TMEM132D: variants seen among roughly 807,000 people sequenced by gnomAD.
TMEM132D encodes the protein transmembrane protein 132D, also known as mature OL transmembrane protein.
A neutral mutation model predicts 62.3 loss-of-function variants in TMEM132D; 21 were observed. The observed-to-expected ratio is 0.34, with a 90% CI of 0.24 to 0.49. The LOEUF is 0.49. Ranked by LOEUF, TMEM132D falls within the 20% of genes least tolerant of loss-of-function variation. The pLI is 0.99. For missense variants in TMEM132D, 1,346 were observed against 1,402.8 expected (o/e 0.96, Z 0.65); for synonymous variants, 621 against 575.6 (o/e 1.08, Z -1.13).
intron 2 of TMEM132D, among the ~76,000 whole-genome samples, chr12:129,611,379 G>A (rs1362050658): frequency 6.6e-6 from 1 of 152,174 alleles, no homozygotes; most frequent in East Asian, 1.9e-4. Context: ...TCCCTTATCT[G>A]TAAATGTCCA....
intron 3 of TMEM132D, among the ~76,000 whole-genome samples, chr12:129,432,121 A>G (rs955695111): frequency 5.2e-5 from 7 of 133,908 alleles, no homozygotes; most frequent in African/African-American, 2.1e-4. Context: ...ATGGATGGAT[A>G]GGTGGATGGA....
At chr12:129,694,147 C>A (rs1343196318) in intron 2 of TMEM132D, among the ~76,000 whole-genome samples, 2 of 152,190 alleles carry the variant, frequency 1.3e-5, no homozygotes, top group African/African-American at 4.8e-5. Flanking sequence ...ACTAAAAAGG[C>A]AAGAACTGGG....
chr12:129,750,300 G>T (rs1360350668), intron 1 of TMEM132D, among the ~76,000 whole-genome samples: 1 of 152,076 alleles, frequency 6.6e-6, no homozygotes, highest in Non-Finnish European at 1.5e-5. Flanking sequence ...TAGCCAGGAT[G>T]GTCTCGATCT....
chr12:129,845,761 A>AG (rs1873341527), intron 1 of TMEM132D, among the ~76,000 whole-genome samples: 1 of 152,232 alleles, frequency 6.6e-6, no homozygotes, highest in Non-Finnish European at 1.5e-5. Flanking sequence ...TGCCCAGGAA[A>AG]GAATTCAAGG....
intron 6 of TMEM132D, among the ~76,000 whole-genome samples, chr12:129,083,893 A>C (rs1874529335): frequency 6.6e-6 from 1 of 152,160 alleles, no homozygotes; most frequent in South Asian, 2.1e-4. Context: ...GGACTCTACC[A>C]AGCACCATCG....
chr12:129,636,398 CA>C (rs927558949), intron 2 of TMEM132D, among the ~76,000 whole-genome samples: 2 of 152,052 alleles, frequency 1.3e-5, no homozygotes, highest in African/African-American at 4.8e-5. Flanking sequence ...TTGCTACAAA[CA>C]GTTTGTTTTC....
intron 8 of TMEM132D, among the ~76,000 whole-genome samples, chr12:129,078,194 G>A (rs549565251): frequency 2.0e-5 from 3 of 152,374 alleles, no homozygotes; most frequent in South Asian, 2.1e-4. Flanking sequence ...AGCAGGAAGC[G>A]TGTGGAGAGC....
At chr12:129,215,619 G>A (rs1593299075) in intron 4 of TMEM132D, among the ~76,000 whole-genome samples, 1 of 152,304 alleles carries the variant, frequency 6.6e-6, no homozygotes, top group Admixed American at 6.5e-5. Context: ...CAAAGGTGGT[G>A]GTATGTGGTT....
At chr12:129,187,518 C>T (rs2135554216) in intron 5 of TMEM132D, among the ~76,000 whole-genome samples, 1 of 152,318 alleles carries the variant, frequency 6.6e-6, no homozygotes, top group South Asian at 2.1e-4. Context: ...TTAAGAGTTA[C>T]TTAAAAACTA....
chr12:129,148,304 C>T (rs116970491), intron 5 of TMEM132D, among the ~76,000 whole-genome samples: 2,913 of 152,218 alleles, frequency 0.019, 35 homozygotes, highest in Non-Finnish European at 0.031. Flanking sequence ...TTGCTGGAAC[C>T]GGTAAATATG....
chr12:129,087,763 A>T (rs1874667516), intron 5 of TMEM132D, among the ~76,000 whole-genome samples: 1 of 152,198 alleles, frequency 6.6e-6, no homozygotes, highest in Admixed American at 6.5e-5. Context: ...CCACCATCTC[A>T]CAAAGCTGCT....
intron 1 of TMEM132D, among the ~76,000 whole-genome samples, chr12:129,763,431 G>GT (rs1593152312): frequency 4.7e-5 from 1 of 21,092 alleles, no homozygotes; most frequent in African/African-American, 1.1e-4. Context: ...TAGATTTCTG[G>GT]CTTTTTTTTT....
At chr12:129,739,779 G>A (rs1432060275) in intron 1 of TMEM132D, among the ~76,000 whole-genome samples, 3 of 152,106 alleles carry the variant, frequency 2.0e-5, no homozygotes, top group Non-Finnish European at 4.4e-5. Flanking sequence ...CAGGAAATAT[G>A]AGGTCTTCTA....
chr12:129,875,634 T>C (rs1874395464), intron 1 of TMEM132D, among the ~76,000 whole-genome samples: 2 of 152,072 alleles, frequency 1.3e-5, no homozygotes, highest in Admixed American at 6.5e-5. Context: ...GTGGCTACTC[T>C]GTGGCCTGGA....
chr12:129,424,817 T>A (rs1218411598), intron 3 of TMEM132D, among the ~76,000 whole-genome samples: 3 of 151,434 alleles, frequency 2.0e-5, no homozygotes, highest in Non-Finnish European at 4.4e-5. Flanking sequence ...ATTTAGAACA[T>A]TATTTACTTA....
At chr12:129,477,115 AG>A (rs774103467) in intron 3 of TMEM132D, among the ~76,000 whole-genome samples, 6 of 152,204 alleles carry the variant, frequency 3.9e-5, no homozygotes, top group Non-Finnish European at 7.3e-5. Context: ...TATTTTTAAC[AG>A]GGATGTTTAG....
At chr12:129,610,313 G>GAAAAGC (rs1878738116) in intron 2 of TMEM132D, among the ~76,000 whole-genome samples, 1 of 151,404 alleles carries the variant, frequency 6.6e-6, no homozygotes, top group African/African-American at 2.4e-5. Context: ...GAGAGAGAGG[G>GAAAAGC]AAAAGCAGTA....
chr12:129,473,093 G>A (rs1297860581), intron 3 of TMEM132D, among the ~76,000 whole-genome samples: 1 of 151,990 alleles, frequency 6.6e-6, no homozygotes, highest in Non-Finnish European at 1.5e-5. Context: ...TCGAACTCCT[G>A]ACCTCGTGAT....
chr12:129,729,231 CAT>C (rs979946124), intron 1 of TMEM132D, among the ~76,000 whole-genome samples: 21 of 152,170 alleles, frequency 1.4e-4, no homozygotes, highest in African/African-American at 4.6e-4. Context: ...ATCTCTGGAC[CAT>C]AGAGTCACTG....
Sources: gnomAD v4.1 joint callset for allele counts (sites outside exome capture counted in the v4.1 genomes callset) on GRCh38, gnomAD v4.1.1 for gene constraint, MANE v1.5 for transcripts, NCBI Gene and HGNC (gene_info 2026-07-23, HGNC 2026-07-21) for gene names.